The following DENND5A variants were observed in gnomAD, a reference collection of about 807,000 sequenced individuals.
The protein encoded by DENND5A is DENN domain-containing protein 5A.
Under a neutral mutation model 140.3 loss-of-function variants are expected in DENND5A, and 64 were observed. The observed-to-expected ratio is 0.46, with a 90% CI of 0.37 to 0.56. The LOEUF (loss-of-function observed/expected upper bound fraction) is 0.56. DENND5A is among the 20% of genes least tolerant of loss of function. The pLI is 0.00. For synonymous variants in DENND5A, 605 were observed against 607.7 expected, an observed-to-expected ratio of 1.00 and a Z score of 0.07; for missense variants, 1,292 against 1,593.8, an observed-to-expected ratio of 0.81 and a Z score of 3.22.
At chr11:9,264,937 G>A (rs899885808) in intron 1 of DENND5A, 24 bp downstream of exon 1, 5 of 1,527,566 alleles carry the variant, frequency 3.3e-6, no homozygotes, top group African/African-American at 1.4e-5. Flanking sequence ...GCGGGAAAGC[G>A]CCCCGGGCTC....
chr11:9,210,008 G>T (rs1341118136), intron 1 of DENND5A, among the ~76,000 whole-genome samples: 4 of 152,066 alleles, frequency 2.6e-5, no homozygotes, highest in Non-Finnish European at 5.9e-5. Context: ...CTGGGAGGCT[G>T]AGGCAGGAGA....
chr11:9,145,569 C>G (rs899862122), intron 17 of DENND5A, 101 bp downstream of exon 17: 2 of 1,268,554 alleles, frequency 1.6e-6, no homozygotes, highest in Non-Finnish European at 2.3e-6. Flanking sequence ...AAGCATTACA[C>G]TGTACATAGC....
chr11:9,165,824 T>C lies in DENND5A; in HGVS notation c.2283+12A>G. On this transcript the variant is annotated intron_variant, in intron 11 of 22. Transcript: ENST00000328194. Reference sequence around the variant, plus strand: ...CAGAAATAGCACACATACAGAGATGTCCACAGCTTACCTTATTGCGGCATT... The same window carrying C: ...CAGAAATAGCACACATACAGAGATGCCCACAGCTTACCTTATTGCGGCATT... The C allele has an allele frequency of 6.2e-7, 1 of 1,613,818 alleles. No individual in the cohort carries two copies. The highest frequency in any genetic ancestry group is 1.1e-5 in the South Asian group (1 of 91,072).
intron 5 of DENND5A, among the ~76,000 whole-genome samples, chr11:9,186,906 C>A (rs1035578351): frequency 6.6e-6 from 1 of 152,090 alleles, no homozygotes; most frequent in African/African-American, 2.4e-5. Flanking sequence ...CATGGTGAAA[C>A]CCCGTCTCTA....
chr11:9,197,691 T>C lies in DENND5A; in HGVS notation c.950-4010A>G, dbSNP rs184692968. Among the ~76,000 whole-genome samples, 262 of 152,156 alleles carry C rather than the reference T, an allele frequency of 1.7e-3. 2 individuals carry two copies. The highest frequency in any genetic ancestry group is 6.1e-3 in the African/African-American group (255 of 41,524). On this transcript the variant is annotated intron_variant, in intron 4 of 22. Coordinates refer to ENST00000328194, the MANE Select transcript of DENND5A (RefSeq NM_015213.4). ...GCCTGGGCAACAGAGCAAGACCCCGTCTTAAAAAAAAGTGAGTTGGGGAGA... is the reference window on the plus strand; with the variant it reads ...GCCTGGGCAACAGAGCAAGACCCCGCCTTAAAAAAAAGTGAGTTGGGGAGA...
At chr11:9,200,713 C>T (rs1044051111) in intron 4 of DENND5A, among the ~76,000 whole-genome samples, 2 of 152,212 alleles carry the variant, frequency 1.3e-5, no homozygotes, top group Non-Finnish European at 2.9e-5. Flanking sequence ...CCATTCCACA[C>T]CACTTCACTG....
intron 1 of DENND5A, among the ~76,000 whole-genome samples, chr11:9,233,688 G>A (rs573910761): frequency 6.6e-6 from 1 of 152,152 alleles, no homozygotes; most frequent in South Asian, 2.1e-4. Context: ...CAGCGATTAG[G>A]GTGGTGTAGT....
chr11:9,232,973 C>T (rs1438143811), intron 1 of DENND5A, among the ~76,000 whole-genome samples: 2 of 152,214 alleles, frequency 1.3e-5, no homozygotes, highest in South Asian at 2.1e-4. Flanking sequence ...CAAGAGTTCA[C>T]CATATATAAT....
intron 19 of DENND5A, among the ~76,000 whole-genome samples, chr11:9,143,831 T>C (rs920404805): frequency 1.3e-5 from 2 of 152,216 alleles, no homozygotes; most frequent in Non-Finnish European, 2.9e-5. Flanking sequence ...CCCTCTCCTT[T>C]AATGGATCAT....
chr11:9,236,182 C>T (rs1193807325), intron 1 of DENND5A, among the ~76,000 whole-genome samples: 2 of 149,770 alleles, frequency 1.3e-5, no homozygotes, highest in East Asian at 4.0e-4. Context: ...ATGTTTGCAC[C>T]ACTGCACTCC....
Position 9,264,978 on chromosome 11 carries a change from T to C in DENND5A, c.92A>G (p.Glu31Gly). Residue 31 changes from glutamate to glycine, a missense_variant, in exon 1 of 23, where the codon GAG (glutamate) becomes GGG (glycine). Physicochemically the swap from Glu to Gly is moderately conservative, Grantham distance 98 (BLOSUM62 -2). This residue lies in a region of DENND5A where 566 missense variants were observed against 650.4 expected (regional missense o/e 0.87). Transcript: ENST00000328194. ...GCACTCACCCGACAGCTCGTCCGGC[T>C]CCAGCCCGGTCTCCGTGTCCAGTCC... The part of the protein sequence containing the change: ...ICGLDTETGL[E>G]PDELSALCQY... 1 of 1,585,678 alleles carries C rather than the reference T, an allele frequency of 6.3e-7. No individual in the cohort carries two copies. Among genetic ancestry groups the C allele is most frequent in the Non-Finnish European group, 8.6e-7 (1 of 1,168,022 alleles).
At position 9,263,045 on chromosome 11, in the gene DENND5A, A is replaced by G. The variant is rs78481180; in HGVS notation, c.109+1916T>C. On this transcript the variant is annotated intron_variant, in intron 1 of 22. Coordinates refer to ENST00000328194, the MANE Select transcript of DENND5A (RefSeq NM_015213.4). ...CGTGAGCCACCGCGCCCGGCCTAAA[A>G]CTAAAATTTTTTTAAAGTAAATTAG... Among the ~76,000 whole-genome samples the G allele has an allele frequency of 8.4e-3, 1,271 of 151,442 alleles. 91 individuals carry two copies. The East Asian group carries it at 0.17, about 21-fold the overall frequency.
intron 1 of DENND5A, among the ~76,000 whole-genome samples, chr11:9,227,287 A>C (rs967490185): frequency 6.6e-6 from 1 of 152,142 alleles, no homozygotes; most frequent in African/African-American, 2.4e-5. Context: ...CCCCACATTG[A>C]GCCGTTTTGC....
chr11:9,243,724 A>G (rs537081075), intron 1 of DENND5A, among the ~76,000 whole-genome samples: 2 of 152,064 alleles, frequency 1.3e-5, no homozygotes, highest in Non-Finnish European at 2.9e-5. Context: ...TGTCTCTACT[A>G]AAAATACAAA....
intron 20 of DENND5A, 82 bp downstream of exon 20, chr11:9,143,321 A>G: frequency 8.2e-7 from 1 of 1,219,156 alleles, no homozygotes; most frequent in Non-Finnish European, 1.2e-6. Flanking sequence ...GGCCTGGAAG[A>G]GCATAACAAG....
At chr11:9,231,289 G>A (rs1850758965) in intron 1 of DENND5A, among the ~76,000 whole-genome samples, 1 of 152,124 alleles carries the variant, frequency 6.6e-6, no homozygotes, top group Non-Finnish European at 1.5e-5. Context: ...TGTATACCAC[G>A]GCAGAGCCCA....
intron 1 of DENND5A, among the ~76,000 whole-genome samples, chr11:9,253,929 G>T (rs1437308253): frequency 6.6e-6 from 1 of 151,956 alleles, no homozygotes; most frequent in Non-Finnish European, 1.5e-5. Context: ...AGGCCGAGAC[G>T]GGCGGATCAT....
At chr11:9,196,261 T>C (rs936216500) in intron 4 of DENND5A, among the ~76,000 whole-genome samples, 1 of 152,176 alleles carries the variant, frequency 6.6e-6, no homozygotes, top group South Asian at 2.1e-4. Flanking sequence ...CCCATTTTTA[T>C]GACTTGTATG....
rs754235960 is a variant in DENND5A, at chr11:9,220,915, T to TAC, written c.110-13285_110-13284dup. Among the ~76,000 whole-genome samples, 341 of 149,246 alleles carry TAC rather than the reference T, an allele frequency of 2.3e-3. 1 individual carries two copies. The highest frequency in any genetic ancestry group is 3.9e-3 in the Non-Finnish European group (261 of 67,468). On this transcript the variant is annotated intron_variant, in intron 1 of 22. Transcript: ENST00000328194. Reference sequence around the variant, plus strand: ...CTCAAAAAAAAAAAGTGTGTGTGTGTACACACACACACATAAATTAGCCAG... The same window carrying TAC: ...CTCAAAAAAAAAAAGTGTGTGTGTGTACACACACACACACATAAATTAGCCAG...
Sources: allele counts gnomAD v4.1 joint callset (sites outside exome capture counted in the v4.1 genomes callset), GRCh38; gene constraint gnomAD v4.1.1; regional missense constraint gnomAD v4.1.1; transcripts MANE v1.5; gene names NCBI Gene and HGNC (gene_info 2026-07-23, HGNC 2026-07-21).